CCSER1: variants seen among roughly 807,000 people sequenced by gnomAD.
CCSER1 encodes the protein serine-rich coiled-coil domain-containing protein 1.
A neutral mutation model predicts 82.0 loss-of-function variants in CCSER1; 41 were observed. The ratio of observed to expected loss-of-function variants is 0.50; its 90% confidence interval spans 0.39 to 0.65. The LOEUF is 0.65. CCSER1 is among the 30% of genes least tolerant of loss of function. The pLI is 0.00. For synonymous variants in CCSER1, 414 were observed against 383.9 expected, an observed-to-expected ratio of 1.08 and a Z score of -0.92; for missense variants, 1,119 against 1,064.2, an observed-to-expected ratio of 1.05 and a Z score of -0.72.
At chr4:90,683,904 T>C (rs979907337) in intron 6 of CCSER1, among the ~76,000 whole-genome samples, 2 of 152,108 alleles carry the variant, frequency 1.3e-5, no homozygotes, top group South Asian at 2.1e-4. Context: ...TGGAACAAAA[T>C]AATTATCTTT....
At chr4:90,789,601 G>A (rs902881719) in intron 7 of CCSER1, among the ~76,000 whole-genome samples, 16 of 151,970 alleles carry the variant, frequency 1.1e-4, no homozygotes, top group African/African-American at 3.9e-4. Flanking sequence ...GGAGGTAATT[G>A]AATCATGGGG....
At chr4:91,325,683 G>A (rs972560191) in intron 10 of CCSER1, among the ~76,000 whole-genome samples, 2 of 152,164 alleles carry the variant, frequency 1.3e-5, no homozygotes, top group East Asian at 3.9e-4. Flanking sequence ...CCCAGACTCA[G>A]AATTTGGCTG....
At chr4:90,845,715 T>A (rs1013053976) in intron 8 of CCSER1, among the ~76,000 whole-genome samples, 4 of 151,900 alleles carry the variant, frequency 2.6e-5, no homozygotes, top group East Asian at 3.9e-4. Context: ...TGCTTTTTTT[T>A]AAATTTAATT....
chr4:91,408,507 C>A (rs1752838729), intron 10 of CCSER1, among the ~76,000 whole-genome samples: 1 of 152,094 alleles, frequency 6.6e-6, no homozygotes, highest in African/African-American at 2.4e-5. Flanking sequence ...TTATCATTTC[C>A]TATTTTTAAT....
At chr4:90,689,606 G>A (rs1224658686) in intron 6 of CCSER1, among the ~76,000 whole-genome samples, 1 of 152,036 alleles carries the variant, frequency 6.6e-6, no homozygotes, top group Admixed American at 6.6e-5. Flanking sequence ...CCAAATTCAA[G>A]CAGTGGCGTA....
At chr4:91,181,422 A>G (rs373585117) in intron 10 of CCSER1, among the ~76,000 whole-genome samples, 18 of 152,322 alleles carry the variant, frequency 1.2e-4, no homozygotes, top group African/African-American at 4.1e-4. Context: ...AGTTCCTGGC[A>G]TTAAGGTCAG....
intron 10 of CCSER1, among the ~76,000 whole-genome samples, chr4:91,595,643 A>C (rs1236790113): frequency 2.0e-5 from 3 of 152,208 alleles, no homozygotes; most frequent in African/African-American, 7.2e-5. Flanking sequence ...TAAATATAAA[A>C]CTTCATTTCT....
chr4:90,970,667 T>G (rs1167252699), intron 9 of CCSER1, among the ~76,000 whole-genome samples: 4 of 151,992 alleles, frequency 2.6e-5, no homozygotes. Context: ...ATGACATCTT[T>G]CAAGATAGAT....
intron 1 of CCSER1, among the ~76,000 whole-genome samples, chr4:90,155,888 T>A (rs1215552553): frequency 6.6e-6 from 1 of 150,904 alleles, no homozygotes; most frequent in Non-Finnish European, 1.5e-5. Context: ...TCTGCTCTGA[T>A]TTTAGTTATT....
rs545618792 is a variant in CCSER1 at position 91,016,990 on chromosome 4, A to G, written c.2173-68960A>G. 2.0e-5 allele frequency among the ~76,000 whole-genome samples: 3 copies of G among 152,248 alleles called. No homozygotes were observed. In the South Asian group the frequency reaches 6.2e-4, roughly 32 times the overall value. On this transcript the variant is annotated intron_variant, in intron 9 of 10. Coordinates refer to ENST00000509176, the MANE Select transcript of CCSER1 (RefSeq NM_001145065.2). ...GAATACAGGAAGGAATAAAGTTCAT[A>G]GAAGAGAAACTGGTCTAAGTCTGAA...
In CCSER1 at chr4:90,184,468, A is replaced by G. The variant is rs191986073; in HGVS notation, c.-42+56637A>G. 5.8e-4 allele frequency among the ~76,000 whole-genome samples: 89 copies of G among 152,258 alleles called. 1 individual carries two copies. The Middle Eastern group carries it at 0.02, about 35-fold the overall frequency. On this transcript the variant is annotated intron_variant, in intron 1 of 10. Transcript: ENST00000509176. ...GTCCATTAAAAAATATTGCTGGAGC[A>G]TGGAGGGTAGGGAAGCTGATAGTAG...
At chr4:90,916,628 T>C (rs1050847089) in intron 8 of CCSER1, among the ~76,000 whole-genome samples, 2 of 152,024 alleles carry the variant, frequency 1.3e-5, no homozygotes, top group East Asian at 1.9e-4. Context: ...TCTAAAACAC[T>C]GAAAGCAATG....
chr4:91,277,329 G>A lies in CCSER1; in HGVS notation c.2217+191335G>A, dbSNP rs180724680. On this transcript the variant is annotated intron_variant, in intron 10 of 10. Transcript: ENST00000509176. ...TGGACTTCTTTTGGCGGGGCTTGGC[G>A]GAGACTTTTTATTACTGCTTCAATC... Among the ~76,000 whole-genome samples the A allele has an allele frequency of 2.8e-3, 422 of 151,962 alleles. 1 individual carries two copies. The highest frequency in any genetic ancestry group is 4.7e-3 in the Non-Finnish European group (319 of 67,856).
Position 91,602,654 on chromosome 4 carries a change from A to G in CCSER1, c.*3597A>G, listed in dbSNP as rs562739186. Among the ~76,000 whole-genome samples, 4 of 152,182 alleles carry G rather than the reference A, an allele frequency of 2.6e-5. No homozygotes were observed. Among genetic ancestry groups the G allele is most frequent in the East Asian group, 3.9e-4 (2 of 5,182 alleles). On this transcript the variant is annotated 3_prime_UTR_variant, in exon 11 of 11. Transcript: ENST00000509176. ...TACTTTTTCACTTTCAGAACTTAAC[A>G]TTCTAAACAGCTATAGAAGGAAGTG...
rs17018150 is a variant in CCSER1 at position 91,170,547 on chromosome 4, C to A, written c.2217+84553C>A. ...TGAAATTTTCTTGAGGGTAATAGAA[C>A]CCGATTCAAGGCAGCTCTAGGCTTG... On this transcript the variant is annotated intron_variant, in intron 10 of 10. Transcript: ENST00000509176. 9.9e-3 allele frequency among the ~76,000 whole-genome samples: 1,500 copies of A among 152,142 alleles called. 10 individuals carry two copies. The highest frequency in any genetic ancestry group is 0.024 in the African/African-American group (1,013 of 41,510).
intron 5 of CCSER1, among the ~76,000 whole-genome samples, chr4:90,584,960 G>A (rs2148658350): frequency 6.6e-6 from 1 of 152,138 alleles, no homozygotes; most frequent in South Asian, 2.1e-4. Context: ...AATGAAAGAA[G>A]ATATTCACAA....
intron 10 of CCSER1, among the ~76,000 whole-genome samples, chr4:91,251,742 C>T (rs1471102405): frequency 6.6e-6 from 1 of 152,078 alleles, no homozygotes; most frequent in East Asian, 1.9e-4. Flanking sequence ...TGGAATATTA[C>T]ATACGTATAT....
At chr4:90,313,845 G>A (rs1347746515) in intron 3 of CCSER1, among the ~76,000 whole-genome samples, 2 of 152,046 alleles carry the variant, frequency 1.3e-5, no homozygotes, top group African/African-American at 4.8e-5. Flanking sequence ...TCACAAATGT[G>A]TCCTTTTTCA....
intron 4 of CCSER1, among the ~76,000 whole-genome samples, chr4:90,403,614 A>T (rs868312730): frequency 6.6e-4 from 100 of 152,288 alleles, no homozygotes; most frequent in African/African-American, 2.3e-3. Flanking sequence ...GTTTTTAATA[A>T]AAGAACAGCG....
Sources: gnomAD v4.1 joint callset for allele counts (sites outside exome capture counted in the v4.1 genomes callset) on GRCh38, gnomAD v4.1.1 for gene constraint, MANE v1.5 for transcripts, NCBI Gene and HGNC (gene_info 2026-07-23, HGNC 2026-07-21) for gene names.